The following ATRX variants were observed in gnomAD, a reference collection of about 807,000 sequenced individuals.
ATRX encodes the protein ATRX chromatin remodeler.
In ATRX, 12 loss-of-function variants were observed where a neutral mutation model predicts 172.6. The observed-to-expected ratio is 0.07, with a 90% CI of 0.04 to 0.11. The LOEUF is 0.11. Among genes scored for constraint, ATRX ranks in the 10% least tolerant of loss-of-function variants. The pLI is 1.00. For synonymous variants in ATRX, 674 were observed against 594.7 expected (o/e 1.13, Z -1.94); for missense variants, 1,368 against 1,767.4 (o/e 0.77, Z 4.05).
At chrX:77,592,348 G>A (rs2066292242) in intron 26 of ATRX, among the ~76,000 whole-genome samples, 1 of 96,762 alleles carries the variant, frequency 1.0e-5, no homozygotes, top group Non-Finnish European at 2.0e-5. Context: ...AAGTGGAGGT[G>A]ATTTTAGTGA....
chrX:77,716,323 A>AAAAATAT (rs1557165064), intron 2 of ATRX, among the ~76,000 whole-genome samples: 2 of 21,039 alleles, frequency 9.5e-5, no homozygotes, highest in African/African-American at 1.7e-4. Context: ...AAAAAAAAAA[A>AAAAATAT]ATATATATAT....
Position 77,681,944 on chromosome X carries a change from T to C in ATRX, c.3312A>G (p.Arg1104=). Residue 1104 remains arginine (R), a synonymous_variant, in exon 9 of 35, where the codon AGA becomes AGG. Transcript: ENST00000373344. ...CKLLGKSSRK[R]QDCSSSDTEK... Reference sequence around the variant, plus strand: ...CAGTATCAGATGATGAACAATCTTGTCTCTTCCTTGAACTCTTTCCAAGCA... The same window carrying C: ...CAGTATCAGATGATGAACAATCTTGCCTCTTCCTTGAACTCTTTCCAAGCA... The C allele has an allele frequency of 8.3e-7, 1 of 1,211,010 alleles. No homozygotes were observed. The highest frequency in any genetic ancestry group is 1.1e-6 in the Non-Finnish European group (1 of 895,058).
chrX:77,739,511 T>C (rs1263105868), intron 1 of ATRX, among the ~76,000 whole-genome samples: 1 of 105,206 alleles, frequency 9.5e-6, no homozygotes, highest in African/African-American at 3.7e-5. Flanking sequence ...ATATTTCTCA[T>C]GCCTAAGCCA....
At chrX:77,585,572 TC>T (rs1314099803) in intron 27 of ATRX, among the ~76,000 whole-genome samples, 1 of 45,865 alleles carries the variant, frequency 2.2e-5, no homozygotes, top group African/African-American at 8.5e-5. Context: ...CAAGACCTTG[TC>T]TCCCCCCACC....
At chrX:77,534,827 C>A (rs2063696338) in intron 30 of ATRX, among the ~76,000 whole-genome samples, 1 of 111,063 alleles carries the variant, frequency 9.0e-6, no homozygotes, top group African/African-American at 3.3e-5. Context: ...GACAAAAATT[C>A]CCATCTAATT....
At chrX:77,694,104 A>C (rs1557148447) in intron 5 of ATRX, among the ~76,000 whole-genome samples, 167 bp from the exon 6 acceptor site, 1 of 112,260 alleles carries the variant, frequency 8.9e-6, no homozygotes, top group Non-Finnish European at 1.9e-5. Context: ...GGAAATAGTA[A>C]AAGGGCCAGG....
chrX:77,781,374 G>A (rs1314746606), intron 1 of ATRX, among the ~76,000 whole-genome samples: 2 of 104,556 alleles, frequency 1.9e-5, no homozygotes, highest in Non-Finnish European at 3.9e-5. Context: ...CCCGGAGGGC[G>A]GAGTTTGCAG....
rs367986587 is a variant in ATRX, at chrX:77,684,087, C to T, written c.1169G>A (p.Arg390His). 50 of 1,207,004 alleles carry T rather than the reference C, an allele frequency of 4.1e-5. No homozygotes were observed. Among genetic ancestry groups the T allele is most frequent in the South Asian group, 1.8e-4 (10 of 56,452 alleles). The change falls in exon 9 of 35, where the codon CGT (arginine) becomes CAT (histidine). Residue 390 changes from arginine to histidine, a missense_variant. Arg to His is a conservative substitution (Grantham distance 29). Transcript: ENST00000373344. ...CACAGACTTAAAAGCCTTAAGCTGACGTAATTTTGTAGCAGAACTGATTTC... is the reference window on the plus strand; with the variant it reads ...CACAGACTTAAAAGCCTTAAGCTGATGTAATTTTGTAGCAGAACTGATTTC... ...NSEISSATKL[R>H]QLKAFKSVLA... is the part of the protein sequence containing the mutation.
At chrX:77,630,954 G>A (rs1467240679) in intron 19 of ATRX, among the ~76,000 whole-genome samples, 2 of 111,353 alleles carry the variant, frequency 1.8e-5, no homozygotes, top group Non-Finnish European at 3.8e-5. Context: ...CTCACAGAAT[G>A]GAAGGATATA....
Position 77,507,045 on chromosome X carries a change from T to C in ATRX, c.*1306A>G, listed in dbSNP as rs1557033714. 1 of 170,301 alleles carries C rather than the reference T, an allele frequency of 5.9e-6. No homozygotes were observed. Among genetic ancestry groups the C allele is most frequent in the African/African-American group, 3.0e-5 (1 of 33,009 alleles). The allele number at this position is 170,301 out of a possible 1,213,427, so 14.0% of individuals were successfully genotyped here. On this transcript the variant is annotated 3_prime_UTR_variant, in exon 35 of 35. Transcript: ENST00000373344. ...TTAACAATTCAAGTAACCAAAATTG[T>C]ACATGAATAAATTTATAGGTCATTT...
chrX:77,705,480 C>G (rs918126096), intron 2 of ATRX, among the ~76,000 whole-genome samples: 2 of 112,275 alleles, frequency 1.8e-5, no homozygotes, highest in African/African-American at 6.5e-5. Flanking sequence ...GACGGCCCAC[C>G]GCTGCCATCA....
At chrX:77,669,228 T>A (rs1030555133) in intron 10 of ATRX, among the ~76,000 whole-genome samples, 56 of 111,792 alleles carry the variant, frequency 5.0e-4, no homozygotes, top group African/African-American at 1.8e-3. Flanking sequence ...CAATCTGCTA[T>A]TAATTTTACT....
chrX:77,746,605 A>C (rs1557185054), intron 1 of ATRX, among the ~76,000 whole-genome samples: 3 of 111,610 alleles, frequency 2.7e-5, no homozygotes, highest in Non-Finnish European at 5.6e-5. Context: ...TCAACTATTA[A>C]ATGGTTTTCT....
chrX:77,525,470 A>T (rs1557043373), intron 30 of ATRX, among the ~76,000 whole-genome samples: 1 of 112,555 alleles, frequency 8.9e-6, no homozygotes, highest in Non-Finnish European at 1.9e-5. Context: ...TACCAAATAC[A>T]ATGAGAAAAG....
intron 15 of ATRX, among the ~76,000 whole-genome samples, chrX:77,636,888 A>G (rs2068388391): frequency 9.9e-6 from 1 of 100,996 alleles, no homozygotes; most frequent in Non-Finnish European, 2.0e-5. Context: ...AGGAGGAGGA[A>G]GAAGAAGAAA....
chrX:77,609,945 T>C (rs1218598604), intron 22 of ATRX, among the ~76,000 whole-genome samples: 2 of 112,090 alleles, frequency 1.8e-5, no homozygotes, highest in African/African-American at 6.5e-5. Context: ...ACAGGGTGAC[T>C]ACAGGCAACA....
intron 30 of ATRX, among the ~76,000 whole-genome samples, chrX:77,552,166 C>T (rs4494030): frequency 5.4e-5 from 6 of 110,625 alleles, no homozygotes; most frequent in East Asian, 2.9e-4. Flanking sequence ...AAAACACATG[C>T]GCATGTATGT....
chrX:77,542,878 T>C (rs912606439), intron 30 of ATRX, among the ~76,000 whole-genome samples: 1 of 111,746 alleles, frequency 8.9e-6, no homozygotes, highest in Non-Finnish European at 1.9e-5. Flanking sequence ...GAAGAAAACC[T>C]AGGCAATACC....
chrX:77,666,130 G>A (rs1341327738), intron 10 of ATRX, among the ~76,000 whole-genome samples: 1 of 111,805 alleles, frequency 8.9e-6, no homozygotes, highest in Non-Finnish European at 1.9e-5. Flanking sequence ...TATGCCTTTT[G>A]GTGCTTTCTC....
Sources: allele counts gnomAD v4.1 joint callset (sites outside exome capture counted in the v4.1 genomes callset), GRCh38; gene constraint gnomAD v4.1.1; transcripts MANE v1.5; gene names NCBI Gene and HGNC (gene_info 2026-07-23, HGNC 2026-07-21).